The following BACH2 variants were observed in gnomAD, a reference collection of about 807,000 sequenced individuals.
The protein encoded by BACH2 is transcription regulator protein BACH2.
Under a neutral mutation model 61.8 loss-of-function variants are expected in BACH2, and 5 were observed. That is an observed-to-expected ratio of 0.08 (90% CI 0.04 to 0.17). The LOEUF (loss-of-function observed/expected upper bound fraction) is 0.17, where lower values mean the gene tolerates loss of function less well. BACH2 is among the 10% of genes least tolerant of loss of function. The pLI is 1.00. For synonymous variants in BACH2, 446 were observed against 440.1 expected, an observed-to-expected ratio of 1.01 and a Z score of -0.17; for missense variants, 824 against 1,091.1, an observed-to-expected ratio of 0.76 and a Z score of 3.45.
intron 4 of BACH2, among the ~76,000 whole-genome samples, chr6:90,137,032 C>T (rs1784293223): frequency 6.6e-6 from 1 of 152,010 alleles, no homozygotes; most frequent in Non-Finnish European, 1.5e-5. Flanking sequence ...GTCATGTCAT[C>T]CTGTGACACT....
Position 90,296,792 on chromosome 6 carries a change from C to G in BACH2, c.-758G>C. On this transcript the variant is annotated 5_prime_UTR_variant, in exon 1 of 9. Coordinates refer to ENST00000257749, the MANE Select transcript of BACH2 (RefSeq NM_021813.4). Reference sequence around the variant, plus strand: ...GCCCGGGCGTGCACGGCCGCTGCTGCCGCTGCTGCTGCTGCTGCTGCTGCT... The same window carrying G: ...GCCCGGGCGTGCACGGCCGCTGCTGGCGCTGCTGCTGCTGCTGCTGCTGCT... 5.7e-6 allele frequency: 1 copy of G among 173,928 alleles called. No homozygotes were observed. The highest frequency in any genetic ancestry group is 1.2e-5 in the Non-Finnish European group (1 of 85,646). 10.8% of individuals were successfully genotyped at this position (173,928 alleles called of 1,614,324 possible).
At chr6:89,939,818 ATTAAAT>A (rs1249865857) in intron 7 of BACH2, among the ~76,000 whole-genome samples, 1 of 128,974 alleles carries the variant, frequency 7.8e-6, no homozygotes, top group African/African-American at 2.9e-5. Flanking sequence ...TGCCCAGTTA[ATTAAAT>A]TTTTTTTTTT....
At chr6:90,014,462 ATATATATTTTTTTTT>A (rs1203702864) in intron 5 of BACH2, among the ~76,000 whole-genome samples, 2,249 of 64,748 alleles carry the variant, frequency 0.035, 27 homozygotes, top group East Asian at 0.047. Flanking sequence ...ATATATATAT[ATATATATTTTTTTTT>A]TTTTTTTTTT....
At chr6:90,164,823 T>A (rs1397432933) in intron 4 of BACH2, among the ~76,000 whole-genome samples, 1 of 152,162 alleles carries the variant, frequency 6.6e-6, no homozygotes, top group Admixed American at 6.5e-5. Context: ...CACATGATTA[T>A]CTCAATAGAT....
chr6:90,133,678 C>T (rs1166184119), intron 4 of BACH2, among the ~76,000 whole-genome samples: 1 of 152,138 alleles, frequency 6.6e-6, no homozygotes, highest in African/African-American at 2.4e-5. Flanking sequence ...TCTCCTAATG[C>T]TATCCCTCCA....
intron 3 of BACH2, among the ~76,000 whole-genome samples, chr6:90,215,884 G>A (rs963078059): frequency 1.1e-4 from 16 of 152,272 alleles, no homozygotes; most frequent in African/African-American, 3.8e-4. Context: ...TTACCCCAAG[G>A]AAACAGGTCA....
chr6:90,034,682 G>A (rs1339916560), intron 5 of BACH2, among the ~76,000 whole-genome samples: 2 of 152,070 alleles, frequency 1.3e-5, no homozygotes, highest in Admixed American at 1.3e-4. Flanking sequence ...GATTACAACA[G>A]TGTTAGCAAT....
At chr6:90,064,139 G>A (rs918793741) in intron 5 of BACH2, among the ~76,000 whole-genome samples, 4 of 152,154 alleles carry the variant, frequency 2.6e-5, no homozygotes, top group Non-Finnish European at 4.4e-5. Context: ...TGCAATGCAC[G>A]AAGTGGATGA....
intron 5 of BACH2, among the ~76,000 whole-genome samples, chr6:90,073,837 A>G (rs1165511288): frequency 6.6e-6 from 1 of 152,208 alleles, no homozygotes; most frequent in Non-Finnish European, 1.5e-5. Flanking sequence ...TGTCAGAAGT[A>G]TTTAGAGAAT....
At chr6:90,046,513 T>C (rs1219538095) in intron 5 of BACH2, among the ~76,000 whole-genome samples, 2 of 152,218 alleles carry the variant, frequency 1.3e-5, no homozygotes, top group Non-Finnish European at 2.9e-5. Flanking sequence ...GTAAGCCTGG[T>C]ACTAGGTATA....
chr6:89,958,093 T>C (rs1286592230), intron 6 of BACH2, among the ~76,000 whole-genome samples: 3 of 152,212 alleles, frequency 2.0e-5, no homozygotes. Context: ...TTGTAAGTTT[T>C]ACTCCTGAGA....
intron 4 of BACH2, among the ~76,000 whole-genome samples, chr6:90,162,975 A>G (rs1767452128): frequency 6.6e-6 from 1 of 152,186 alleles, no homozygotes; most frequent in Non-Finnish European, 1.5e-5. Context: ...CTACTCAAAT[A>G]AAAATAACTG....
At chr6:90,180,298 T>A (rs1180918716) in intron 4 of BACH2, among the ~76,000 whole-genome samples, 1 of 152,174 alleles carries the variant, frequency 6.6e-6, no homozygotes, top group African/African-American at 2.4e-5. Context: ...AAAAGAAATA[T>A]AAATAGCTAA....
intron 4 of BACH2, among the ~76,000 whole-genome samples, chr6:90,132,563 C>G (rs1007508088): frequency 1.3e-5 from 2 of 152,168 alleles, no homozygotes; most frequent in Admixed American, 1.3e-4. Context: ...TGCCCAGAGT[C>G]CATCTCTGTC....
intron 3 of BACH2, among the ~76,000 whole-genome samples, chr6:90,225,573 A>G (rs1286091420): frequency 3.9e-5 from 6 of 152,096 alleles, no homozygotes; most frequent in Non-Finnish European, 4.4e-5. Context: ...ATGAGAACGC[A>G]TGGACACAGG....
intron 7 of BACH2, among the ~76,000 whole-genome samples, chr6:89,948,210 CTTTTA>C (rs1231374456): frequency 4.6e-5 from 7 of 151,932 alleles, no homozygotes; most frequent in African/African-American, 1.7e-4. Flanking sequence ...AATGGCCAGC[CTTTTA>C]TTTTTTTTTG....
chr6:90,097,948 T>A (rs1782446789), intron 4 of BACH2, among the ~76,000 whole-genome samples: 1 of 152,226 alleles, frequency 6.6e-6, no homozygotes, highest in African/African-American at 2.4e-5. Context: ...ATTTTCCTAG[T>A]AATGAAACGG....
At chr6:89,994,579 G>T (rs765586482) in intron 6 of BACH2, among the ~76,000 whole-genome samples, 4 of 152,180 alleles carry the variant, frequency 2.6e-5, no homozygotes, top group Non-Finnish European at 5.9e-5. Flanking sequence ...AGAGCCCCGA[G>T]TTGGACGGAA....
At chr6:89,971,868 A>G (rs1163869189) in intron 6 of BACH2, among the ~76,000 whole-genome samples, 1 of 152,176 alleles carries the variant, frequency 6.6e-6, no homozygotes, top group Non-Finnish European at 1.5e-5. Context: ...TCCCTCCCAC[A>G]ACACATGGGA....
Sources: gnomAD v4.1 joint callset for allele counts (sites outside exome capture counted in the v4.1 genomes callset) on GRCh38, gnomAD v4.1.1 for gene constraint, MANE v1.5 for transcripts, NCBI Gene and HGNC (gene_info 2026-07-23, HGNC 2026-07-21) for gene names.